Variants in CLVS2 observed in about 807,000 individuals in gnomAD.
CLVS2 encodes clavesin-2.
A neutral mutation model predicts 29.0 loss-of-function variants in CLVS2; 19 were observed. The observed-to-expected ratio is 0.66, with a 90% CI of 0.46 to 0.96. The LOEUF is 0.96. Ranked by LOEUF, CLVS2 falls within the 40% of genes least tolerant of loss-of-function variation. CLVS2 has a pLI of 0.00. For synonymous variants in CLVS2, 161 were observed against 151.3 expected, an observed-to-expected ratio of 1.06 and a Z score of -0.47; for missense variants, 294 against 404.1, an observed-to-expected ratio of 0.73 and a Z score of 2.34.
rs1171948546 is a variant in CLVS2, at chr6:122,997,574, AC to A, written c.-198del. On this transcript the variant is annotated 5_prime_UTR_variant, in exon 2 of 6. It removes the in-frame stop codon of an upstream open reading frame in the 5' UTR. Coordinates refer to ENST00000275162, the MANE Select transcript of CLVS2 (RefSeq NM_001010852.4). ...TTAGGGGGCAGAGGAAGAAGTTTACACCCCCCGGCCCCCCCAGCTTTGCTGG... is the reference window on the plus strand; with the variant it reads ...TTAGGGGGCAGAGGAAGAAGTTTACACCCCCGGCCCCCCCAGCTTTGCTGG... The A allele has an allele frequency of 3.1e-5, 19 of 606,982 alleles. No individual in the cohort carries two copies. Among genetic ancestry groups the A allele is most frequent in the East Asian group, 5.6e-5 (2 of 35,534 alleles). The allele number at this position is 606,982 out of a possible 1,614,324, so 37.6% of individuals were successfully genotyped here. A position where few individuals can be genotyped will look rare whatever the true frequency, so the allele number is the denominator to read the frequency against.
At chr6:123,031,852 T>C (rs1246532399) in intron 3 of CLVS2, among the ~76,000 whole-genome samples, 1 of 152,076 alleles carries the variant, frequency 6.6e-6, no homozygotes, top group Admixed American at 6.6e-5. Context: ...TATTTTTCTT[T>C]CTTTGACTTG....
At chr6:123,026,627 A>G (rs1775005811) in intron 3 of CLVS2, among the ~76,000 whole-genome samples, 1 of 152,188 alleles carries the variant, frequency 6.6e-6, no homozygotes, top group South Asian at 2.1e-4. Context: ...AATATGCCTT[A>G]GAGAAAAATA....
rs1039346609 is a variant in CLVS2, at chr6:123,065,408, A to G, written c.*1647A>G. 5.9e-5 allele frequency: 9 copies of G among 151,868 alleles called. No individual in the cohort carries two copies. Among genetic ancestry groups the G allele is most frequent in the African/African-American group, 1.9e-4 (8 of 41,420 alleles). The allele number at this position is 151,868 out of a possible 1,614,324, so 9.4% of individuals were successfully genotyped here. A position where few individuals can be genotyped will look rare whatever the true frequency, so the allele number is the denominator to read the frequency against. On this transcript the variant is annotated 3_prime_UTR_variant, in exon 6 of 6. Coordinates refer to ENST00000275162, the MANE Select transcript of CLVS2 (RefSeq NM_001010852.4). ...ATTTGTTATAATTCTGCAGCCAAAAATTGTAAAAGCAAGCTGAATACACCA... is the reference window on the plus strand; with the variant it reads ...ATTTGTTATAATTCTGCAGCCAAAAGTTGTAAAAGCAAGCTGAATACACCA...
At chr6:123,040,936 G>A (rs924834918) in intron 3 of CLVS2, among the ~76,000 whole-genome samples, 1 of 151,988 alleles carries the variant, frequency 6.6e-6, no homozygotes, top group Non-Finnish European at 1.5e-5. Flanking sequence ...TCTACATTAT[G>A]ATTACAATAA....
At position 123,009,892 on chromosome 6, in the gene CLVS2, C is replaced by G. The variant is rs944313571; in HGVS notation, c.390-1093C>G. On this transcript the variant is annotated intron_variant, in intron 2 of 5. Coordinates refer to ENST00000275162, the MANE Select transcript of CLVS2 (RefSeq NM_001010852.4). ...CTTAGAGTCTATAAGCTTTTAATTC[C>G]AGAATTTTCAGTTTTGGGCTCTCCC... is the stretch of plus-strand genomic sequence containing the variant. 2.6e-5 allele frequency among the ~76,000 whole-genome samples: 4 copies of G among 151,902 alleles called. No homozygotes were observed. The East Asian group carries it at 5.8e-4, about 22-fold the overall frequency.
intron 3 of CLVS2, among the ~76,000 whole-genome samples, chr6:123,020,547 A>G (rs532613386): frequency 7.9e-4 from 120 of 152,190 alleles, no homozygotes; most frequent in African/African-American, 2.7e-3. Flanking sequence ...TACAATACTG[A>G]GAGAGTTTCA....
In CLVS2 at chr6:123,063,934, T is replaced by A; in HGVS notation, c.*173T>A. On this transcript the variant is annotated 3_prime_UTR_variant, in exon 6 of 6. Coordinates refer to ENST00000275162, the MANE Select transcript of CLVS2 (RefSeq NM_001010852.4). ...GGCCTGAACCATGGGGGCCCTGGGCTGGATTTTTAAAATGTCAATAATTTA... is the reference window on the plus strand; with the variant it reads ...GGCCTGAACCATGGGGGCCCTGGGCAGGATTTTTAAAATGTCAATAATTTA... 1 of 453,202 alleles carries A rather than the reference T, an allele frequency of 2.2e-6. No individual in the cohort carries two copies. The highest frequency in any genetic ancestry group is 3.9e-6 in the Non-Finnish European group (1 of 254,264). The allele number at this position is 453,202 out of a possible 1,614,324, so 28.1% of individuals were successfully genotyped here. A position where few individuals can be genotyped will look rare whatever the true frequency, so the allele number is the denominator to read the frequency against.
intron 5 of CLVS2, among the ~76,000 whole-genome samples, chr6:123,059,394 C>T (rs2114367477): frequency 6.6e-6 from 1 of 152,288 alleles, no homozygotes; most frequent in Non-Finnish European, 1.5e-5. Flanking sequence ...ACCATATTGT[C>T]TATGTTTACC....
rs548443571 is a variant in CLVS2, at chr6:123,042,771, A to G, written c.565-5851A>G. On this transcript the variant is annotated intron_variant, in intron 3 of 5. Transcript: ENST00000275162. ...CTGGATCTGTCTGTCCACTAGTGAT[A>G]ATGAGCAGCGATTTGGAACTGGGAA... Among the ~76,000 whole-genome samples, 5 of 152,286 alleles carry G rather than the reference A, an allele frequency of 3.3e-5. No homozygotes were observed. In the South Asian group the frequency reaches 8.3e-4, roughly 25 times the overall value.
At chr6:123,006,530 A>G (rs1032503214) in intron 2 of CLVS2, among the ~76,000 whole-genome samples, 20 of 152,226 alleles carry the variant, frequency 1.3e-4, no homozygotes, top group Non-Finnish European at 2.1e-4. Context: ...GGACTCTAGT[A>G]GAAAGAGTTA....
At chr6:123,061,593 C>T (rs957697126) in intron 5 of CLVS2, among the ~76,000 whole-genome samples, 3 of 152,178 alleles carry the variant, frequency 2.0e-5, no homozygotes, top group Non-Finnish European at 4.4e-5. Context: ...TCCAACAATC[C>T]TCATATCTGT....
chr6:123,015,783 T>G (rs1260210229), intron 3 of CLVS2, among the ~76,000 whole-genome samples: 1 of 152,016 alleles, frequency 6.6e-6, no homozygotes, highest in Non-Finnish European at 1.5e-5. Flanking sequence ...TAAGTGACTA[T>G]TAGCCTCCCA....
intron 4 of CLVS2, among the ~76,000 whole-genome samples, chr6:123,054,284 T>TG (rs1227199967): frequency 1.3e-5 from 2 of 152,174 alleles, no homozygotes; most frequent in African/African-American, 4.8e-5. Flanking sequence ...GGGGTGCACA[T>TG]GTGTTTTCCT....
chr6:123,016,888 A>G (rs188230988), intron 3 of CLVS2, among the ~76,000 whole-genome samples: 3 of 152,072 alleles, frequency 2.0e-5, no homozygotes, highest in Non-Finnish European at 4.4e-5. Context: ...GCTGCTACAC[A>G]TTCTGGCTCT....
chr6:122,997,184 C>T (rs1055399345), intron 1 of CLVS2, 35 bp from the exon 2 acceptor site: 2 of 167,590 alleles, frequency 1.2e-5, no homozygotes, highest in Non-Finnish European at 2.9e-5. Flanking sequence ...TTTCTCCCCC[C>T]TCTTTCTCTC....
rs138496881 is a variant in CLVS2 at position 123,001,274 on chromosome 6, G to A, written c.389+3108G>A. On this transcript the variant is annotated intron_variant, in intron 2 of 5. Coordinates refer to ENST00000275162, the MANE Select transcript of CLVS2 (RefSeq NM_001010852.4). The stretch of plus-strand genomic sequence containing the variant: ...GTGTCTGTTTCTGCTGCAATTTAGT[G>A]TAGTTTACTTTTAGGTTATTGTAAA... Among the ~76,000 whole-genome samples, 493 of 152,256 alleles carry A rather than the reference G, an allele frequency of 3.2e-3. 6 individuals carry two copies. Among genetic ancestry groups the A allele is most frequent in the African/African-American group, 0.011 (465 of 41,554 alleles).
intron 3 of CLVS2, among the ~76,000 whole-genome samples, chr6:123,011,997 A>G (rs573933716): frequency 6.6e-6 from 1 of 152,006 alleles, no homozygotes; most frequent in Non-Finnish European, 1.5e-5. Flanking sequence ...GACTGCATCT[A>G]TACACACCTA....
intron 4 of CLVS2, among the ~76,000 whole-genome samples, chr6:123,051,286 C>T (rs1428384146): frequency 1.3e-5 from 2 of 152,074 alleles, no homozygotes; most frequent in African/African-American, 4.8e-5. Flanking sequence ...TTTGAGTCTC[C>T]AACTTACTGG....
At chr6:123,063,516 G>A (rs1034727473) in intron 5 of CLVS2, among the ~76,000 whole-genome samples, 158 bp from the exon 6 acceptor site, 1 of 152,036 alleles carries the variant, frequency 6.6e-6, no homozygotes, top group African/African-American at 2.4e-5. Context: ...ACCAGCAGTG[G>A]TTTTTCTCTA....
Sources: gnomAD v4.1 joint callset for allele counts (sites outside exome capture counted in the v4.1 genomes callset) on GRCh38, gnomAD v4.1.1 for gene constraint, MANE v1.5 for transcripts, NCBI Gene and HGNC (gene_info 2026-07-23, HGNC 2026-07-21) for gene names.